Variants in TEX29 observed in about 807,000 individuals in gnomAD.
TEX29 encodes the protein testis-expressed protein 29.
TEX29 carries 26 observed loss-of-function variants against 18.2 expected under a neutral mutation model. The observed-to-expected ratio is 1.43, with a 90% CI of 1.04 to 1.98. TEX29 has a LOEUF of 1.98. TEX29 is among the 30% of genes most tolerant of loss of function. The probability of loss-of-function intolerance (pLI) is 0.00; values close to 1 mark genes in which losing one functional copy is unlikely to be tolerated. For missense variants in TEX29, 177 were observed against 194.2 expected, an observed-to-expected ratio of 0.91 and a Z score of 0.53; for synonymous variants, 83 against 78.5, an observed-to-expected ratio of 1.06 and a Z score of -0.31.
intron 3 of TEX29, among the ~76,000 whole-genome samples, chr13:111,328,670 G>A (rs923885858): frequency 2.0e-5 from 3 of 152,202 alleles, no homozygotes; most frequent in African/African-American, 7.2e-5. Context: ...GCCAGTGGCC[G>A]GGTGTGGGGT....
At chr13:111,319,285 A>G (rs9515405), upstream of TEX29, among the ~76,000 whole-genome samples, 2 of 152,202 alleles carry the variant, frequency 1.3e-5, no homozygotes, top group Non-Finnish European at 2.9e-5. Context: ...TCCCAACAGC[A>G]TTATTCATAA....
intron 3 of TEX29, among the ~76,000 whole-genome samples, chr13:111,333,582 T>C (rs1375693382): frequency 1.3e-5 from 2 of 152,232 alleles, no homozygotes. Context: ...TATATTTCTA[T>C]TGATATCTTC....
At chr13:111,316,368 G>A (rs1281585266), upstream of TEX29, 3 of 442,934 alleles carry the variant, frequency 6.8e-6, no homozygotes, top group East Asian at 7.1e-5. Context: ...CTGCTGCCTC[G>A]TGGAGCCCCC....
chr13:111,331,667 T>C (rs552314430), intron 3 of TEX29, among the ~76,000 whole-genome samples: 1 of 152,322 alleles, frequency 6.6e-6, no homozygotes, highest in African/African-American at 2.4e-5. Flanking sequence ...CTGTAATATC[T>C]TCTAAGAGTT....
chr13:111,332,382 G>T (rs1244555204), intron 3 of TEX29, among the ~76,000 whole-genome samples: 1 of 151,890 alleles, frequency 6.6e-6, no homozygotes, highest in Admixed American at 6.6e-5. Context: ...TTTGTATGCT[G>T]ATCTTGTATC....
At chr13:111,323,305 G>C (rs974349104) in intron 2 of TEX29, among the ~76,000 whole-genome samples, 2 of 152,220 alleles carry the variant, frequency 1.3e-5, no homozygotes, top group Admixed American at 6.5e-5. Flanking sequence ...GGGGGTGAAA[G>C]AGCGGAAATG....
rs2093698680 is a variant in TEX29, at chr13:111,342,768, G to C, written c.252G>C (p.Glu84Asp). The change falls in exon 5 of 6, where the codon GAG (glutamate) becomes GAC (aspartate). Residue 84 changes from glutamate (E) to aspartate (D), a missense_variant. By Grantham distance (45) the Glu-to-Asp change is conservative. Coordinates refer to ENST00000283547, the MANE Select transcript of TEX29 (RefSeq NM_152324.3). ...CTCTTCCCATCAGAGTCATTCAGGAGAGCAGGAAAGAAAAGGCCATCCCTG... is the reference window on the plus strand; with the variant it reads ...CTCTTCCCATCAGAGTCATTCAGGACAGCAGGAAAGAAAAGGCCATCCCTG... ...VITIIYRVIQ[E>D]SRKEKAIPVD... The C allele has an allele frequency of 1.2e-6, 2 of 1,613,858 alleles. No individual in the cohort carries two copies. Among genetic ancestry groups the C allele is most frequent in the Admixed American group, 3.3e-5 (2 of 59,982 alleles).
At chr13:111,318,195 C>T (rs192208748), upstream of TEX29, among the ~76,000 whole-genome samples, 25 of 152,240 alleles carry the variant, frequency 1.6e-4, no homozygotes, top group East Asian at 4.8e-3. Flanking sequence ...AGTTGTTAGC[C>T]AAGTCCGTTA....
chr13:111,334,144 T>G (rs1042473052), intron 3 of TEX29, among the ~76,000 whole-genome samples: 8 of 152,212 alleles, frequency 5.3e-5, no homozygotes, highest in Non-Finnish European at 8.8e-5. Context: ...TTTCTTTGTA[T>G]GTTTGACATT....
At chr13:111,321,891 TCCAG>T (rs796367215) in intron 2 of TEX29, among the ~76,000 whole-genome samples, 17 of 152,226 alleles carry the variant, frequency 1.1e-4, no homozygotes, top group African/African-American at 4.1e-4. Flanking sequence ...GCCACTCCAC[TCCAG>T]CCTGGGCGAC....
At chr13:111,342,992 G>T in intron 5 of TEX29, 61 bp downstream of exon 5, 3 of 1,569,352 alleles carry the variant, frequency 1.9e-6, no homozygotes, top group Non-Finnish European at 2.6e-6. Flanking sequence ...GTTCCCTCGG[G>T]AGACCTTCCC....
At chr13:111,323,097 C>G (rs1226131378) in intron 2 of TEX29, among the ~76,000 whole-genome samples, 1 of 152,242 alleles carries the variant, frequency 6.6e-6, no homozygotes, top group Non-Finnish European at 1.5e-5. Flanking sequence ...AGCCCACCCA[C>G]TCTGCAGCCT....
intron 3 of TEX29, among the ~76,000 whole-genome samples, chr13:111,334,763 T>A (rs1275248222): frequency 6.6e-6 from 1 of 152,270 alleles, no homozygotes; most frequent in Non-Finnish European, 1.5e-5. Flanking sequence ...AAAGCTGTTC[T>A]CACCGAATGA....
At chr13:111,335,841 G>A (rs774294787) in intron 3 of TEX29, among the ~76,000 whole-genome samples, 6 of 152,196 alleles carry the variant, frequency 3.9e-5, no homozygotes, top group Admixed American at 6.5e-5. Flanking sequence ...AGATCACAGC[G>A]AGGAAGGGAA....
chr13:111,320,731 C>G lies in TEX29; in HGVS notation c.-66C>G, dbSNP rs1365549517. On this transcript the variant is annotated 5_prime_UTR_variant, in exon 1 of 6. Coordinates refer to ENST00000283547, the MANE Select transcript of TEX29 (RefSeq NM_152324.3). ...GAGTGGGACTGAGAGGCACAGGTGG[C>G]TGAGGGGACCCGCCTGGGATGTGAG... 2 of 811,610 alleles carry G rather than the reference C, an allele frequency of 2.5e-6. No individual in the cohort carries two copies. The highest frequency in any genetic ancestry group is 4.2e-6 in the Non-Finnish European group (2 of 472,196). The allele number at this position is 811,610 out of a possible 1,614,324, so 50.3% of individuals were successfully genotyped here.
At chr13:111,319,040 G>C (rs973602570), upstream of TEX29, among the ~76,000 whole-genome samples, 1 of 152,116 alleles carries the variant, frequency 6.6e-6, no homozygotes, top group Admixed American at 6.5e-5. Flanking sequence ...GCTCTCTGAG[G>C]CCTCTTTAAT....
rs928361619 is a variant in TEX29, at chr13:111,320,664, G to A, written c.-133G>A. On this transcript the variant is annotated 5_prime_UTR_variant, in exon 1 of 6. The change creates a new upstream start codon in the 5' untranslated region. Coordinates refer to ENST00000283547, the MANE Select transcript of TEX29 (RefSeq NM_152324.3). Reference sequence around the variant, plus strand: ...TCCATAGTGAGCGGCAGACAGAGGGGTGGCCAGTTTGTTGTTTTACCTAAA... The same window carrying A: ...TCCATAGTGAGCGGCAGACAGAGGGATGGCCAGTTTGTTGTTTTACCTAAA... 5.0e-6 allele frequency: 3 copies of A among 600,646 alleles called. No homozygotes were observed. Among genetic ancestry groups the A allele is most frequent in the Non-Finnish European group, 9.0e-6 (3 of 333,918 alleles). The allele number at this position is 600,646 out of a possible 1,614,324, so 37.2% of individuals were successfully genotyped here. A position where few individuals can be genotyped will look rare whatever the true frequency, so the allele number is the denominator to read the frequency against.
intron 3 of TEX29, among the ~76,000 whole-genome samples, chr13:111,330,177 G>C (rs1284785287): frequency 2.6e-5 from 4 of 152,168 alleles, no homozygotes; most frequent in Admixed American, 2.0e-4. Context: ...GTTTGATTAC[G>C]TGGGGACTGC....
At chr13:111,339,664 G>A (rs974749082) in intron 3 of TEX29, among the ~76,000 whole-genome samples, 199 bp from the exon 4 acceptor site, 2 of 152,070 alleles carry the variant, frequency 1.3e-5, no homozygotes, top group Admixed American at 6.5e-5. Context: ...GGGAGCCCTC[G>A]CCTGCCTGCG....
Sources: allele counts gnomAD v4.1 joint callset (sites outside exome capture counted in the v4.1 genomes callset), GRCh38; gene constraint gnomAD v4.1.1; transcripts MANE v1.5; gene names NCBI Gene and HGNC (gene_info 2026-07-23, HGNC 2026-07-21).